NLN: variants seen among roughly 807,000 people sequenced by gnomAD.
NLN encodes the protein neurolysin, also known as neurolysin, mitochondrial.
In NLN, 64 loss-of-function variants were observed where a neutral mutation model predicts 79.9. That is an observed-to-expected ratio of 0.80 (90% confidence interval 0.65 to 0.99). The LOEUF is 0.99. NLN is among the 50% of genes least tolerant of loss of function. The probability of loss-of-function intolerance (pLI) is 0.00; values close to 1 mark genes in which losing one functional copy is unlikely to be tolerated. For missense variants in NLN, 835 were observed against 858.7 expected (o/e 0.97, Z 0.34); for synonymous variants, 267 against 296.6 (o/e 0.90, Z 1.02).
Position 65,763,010 on chromosome 5 carries a change from G to T in NLN, c.352G>T (p.Val118Leu). 6.2e-7 allele frequency: 1 copy of T among 1,614,042 alleles called. No individual in the cohort carries two copies. The highest frequency in any genetic ancestry group is 8.5e-7 in the Non-Finnish European group (1 of 1,179,936). The change falls in exon 3 of 13, where the codon GTA (valine) becomes TTA (leucine). Residue 118 changes from valine (V) to leucine (L), a missense_variant. Transcript: ENST00000380985. ...FPQHVSSDKE[V>L]RAASTEADKR... ...CCAGCATGTATCCTCTGACAAAGAA[G>T]TACGAGCAGCAAGTACAGAAGCAGA...
intron 12 of NLN, among the ~76,000 whole-genome samples, chr5:65,813,193 A>G (rs1196888738): frequency 1.3e-5 from 2 of 152,146 alleles, no homozygotes. Context: ...GATTTAGATC[A>G]CCATTCCCTC....
At chr5:65,798,114 T>C (rs1421271729) in intron 9 of NLN, among the ~76,000 whole-genome samples, 1 of 152,162 alleles carries the variant, frequency 6.6e-6, no homozygotes, top group Non-Finnish European at 1.5e-5. Flanking sequence ...TCAGGCAGAA[T>C]ATGCAGGCTC....
chr5:65,817,172 GC>G (rs1164306445), intron 12 of NLN, among the ~76,000 whole-genome samples: 1 of 152,156 alleles, frequency 6.6e-6, no homozygotes, highest in African/African-American at 2.4e-5. Flanking sequence ...ACCTATAATA[GC>G]CTAAAACTTT....
intron 8 of NLN, among the ~76,000 whole-genome samples, chr5:65,789,171 A>G (rs1425745453): frequency 2.0e-5 from 3 of 152,068 alleles, no homozygotes; most frequent in Non-Finnish European, 4.4e-5. Context: ...ACTCTTCCAT[A>G]TTTCTCACAT....
At chr5:65,821,042 CAAAAAAA>C (rs1326744179) in intron 12 of NLN, among the ~76,000 whole-genome samples, 2 of 57,512 alleles carry the variant, frequency 3.5e-5, no homozygotes, top group African/African-American at 6.1e-5. Context: ...GACTCTGTCT[CAAAAAAA>C]AAAAAAAAAG....
At chr5:65,784,451 T>A (rs1019017473) in intron 6 of NLN, among the ~76,000 whole-genome samples, 4 of 152,146 alleles carry the variant, frequency 2.6e-5, no homozygotes, top group Admixed American at 2.6e-4. Flanking sequence ...ACAATAGAAA[T>A]TTTTCACAGT....
intron 6 of NLN, among the ~76,000 whole-genome samples, chr5:65,783,228 T>C (rs1203268734): frequency 6.6e-6 from 1 of 152,212 alleles, no homozygotes; most frequent in East Asian, 1.9e-4. Context: ...ATGGTAGTGG[T>C]TGCACAATAG....
chr5:65,818,355 T>C (rs1245599169), intron 12 of NLN, among the ~76,000 whole-genome samples: 1 of 152,212 alleles, frequency 6.6e-6, no homozygotes, highest in African/African-American at 2.4e-5. Context: ...TCTTTGGACC[T>C]GACGGTTTTC....
At chr5:65,723,723 G>C (rs1211859455) in intron 1 of NLN, among the ~76,000 whole-genome samples, 1 of 147,490 alleles carries the variant, frequency 6.8e-6, no homozygotes, top group Non-Finnish European at 1.5e-5. Context: ...GCTGAGGCAG[G>C]AGAATGGCAT....
At chr5:65,758,006 G>A (rs1051216346) in intron 1 of NLN, among the ~76,000 whole-genome samples, 4 of 152,152 alleles carry the variant, frequency 2.6e-5, no homozygotes, top group African/African-American at 7.2e-5. Context: ...GCCAAGGCAG[G>A]AGGATTGCTT....
intron 1 of NLN, among the ~76,000 whole-genome samples, chr5:65,739,931 T>G (rs771623870): frequency 4.6e-5 from 7 of 152,200 alleles, no homozygotes; most frequent in Non-Finnish European, 7.3e-5. Context: ...TTGCAAATAT[T>G]TCCTCCCATT....
intron 9 of NLN, among the ~76,000 whole-genome samples, chr5:65,799,036 T>C (rs1327837826): frequency 2.0e-5 from 3 of 152,072 alleles, no homozygotes; most frequent in Non-Finnish European, 4.4e-5. Context: ...CATGTACCAC[T>C]ACACCAGGGT....
chr5:65,809,613 C>T lies in NLN; in HGVS notation c.1626C>T (p.Leu542=). 6.2e-7 allele frequency: 1 copy of T among 1,613,912 alleles called. No homozygotes were observed. The change falls in exon 10 of 13, where the codon CTC becomes CTT. Residue 542 remains leucine, a synonymous_variant. Coordinates refer to ENST00000380985, the MANE Select transcript of NLN (RefSeq NM_020726.5). ...ATTGGGTGTGGGACGTCGATTCCCTCCGAAGATTGTCAAAACATTATAAAG... is the reference window on the plus strand; with the variant it reads ...ATTGGGTGTGGGACGTCGATTCCCTTCGAAGATTGTCAAAACATTATAAAG... ...LENWVWDVDS[L]RRLSKHYKDG...
chr5:65,755,330 G>A (rs1759195422), intron 1 of NLN, among the ~76,000 whole-genome samples: 1 of 152,060 alleles, frequency 6.6e-6, no homozygotes, highest in African/African-American at 2.4e-5. Context: ...TGATTTGATT[G>A]GCATTTCTCA....
intron 3 of NLN, among the ~76,000 whole-genome samples, chr5:65,768,017 G>C (rs1318439169): frequency 6.6e-6 from 1 of 152,064 alleles, no homozygotes; most frequent in Admixed American, 6.6e-5. Context: ...AGCATTTTTG[G>C]TCACAACCAT....
At chr5:65,779,470 A>G (rs957203457) in intron 4 of NLN, among the ~76,000 whole-genome samples, 1 of 152,122 alleles carries the variant, frequency 6.6e-6, no homozygotes, top group Admixed American at 6.6e-5. Flanking sequence ...CAAAAGCTCT[A>G]TAAAACTAAA....
intron 6 of NLN, among the ~76,000 whole-genome samples, chr5:65,783,612 C>T (rs892647158): frequency 1.3e-5 from 2 of 151,612 alleles, no homozygotes; most frequent in Non-Finnish European, 2.9e-5. Flanking sequence ...GTAATCCCAA[C>T]GCTTTGGGAG....
intron 7 of NLN, 150 bp from the exon 8 acceptor site, chr5:65,787,968 C>A: frequency 1.4e-6 from 1 of 715,970 alleles, no homozygotes; most frequent in Non-Finnish European, 2.3e-6. Flanking sequence ...TCCTCCCTCA[C>A]GTTTTTCCTC....
intron 1 of NLN, among the ~76,000 whole-genome samples, chr5:65,756,663 T>C (rs1156665136): frequency 6.6e-6 from 1 of 152,132 alleles, no homozygotes; most frequent in African/African-American, 2.4e-5. Context: ...TTTGTTGTTG[T>C]CGTTGTTGTT....
Sources: allele counts gnomAD v4.1 joint callset (sites outside exome capture counted in the v4.1 genomes callset), GRCh38; gene constraint gnomAD v4.1.1; transcripts MANE v1.5; gene names NCBI Gene and HGNC (gene_info 2026-07-23, HGNC 2026-07-21).